PTK2: variants seen among roughly 807,000 people sequenced by gnomAD.
PTK2 encodes the protein protein tyrosine kinase 2.
A neutral mutation model predicts 150.1 loss-of-function variants in PTK2; 45 were observed. The ratio of observed to expected loss-of-function variants is 0.30; its 90% CI spans 0.24 to 0.38. The LOEUF (loss-of-function observed/expected upper bound fraction) is 0.38, where lower values mean the gene tolerates loss of function less well. Among genes scored for constraint, PTK2 ranks in the 10% least tolerant of loss-of-function variants. The pLI is 1.00. For missense variants in PTK2, 919 were observed against 1,307.3 expected, an observed-to-expected ratio of 0.70 and a Z score of 4.58; for synonymous variants, 432 against 449.2, an observed-to-expected ratio of 0.96 and a Z score of 0.48.
intron 23 of PTK2, among the ~76,000 whole-genome samples, chr8:140,710,144 T>A (rs989953389): frequency 3.3e-5 from 5 of 150,220 alleles, no homozygotes; most frequent in African/African-American, 1.2e-4. Context: ...GTGAAAAAAA[T>A]ATGAGAAGAT....
intron 18 of PTK2, among the ~76,000 whole-genome samples, chr8:140,746,106 C>T (rs1454710531): frequency 2.0e-5 from 3 of 152,034 alleles, no homozygotes; most frequent in African/African-American, 2.4e-5. Flanking sequence ...CCGAGGCAGG[C>T]GGATCACTTG....
chr8:140,688,433 G>T (rs968018812), intron 26 of PTK2, among the ~76,000 whole-genome samples: 2 of 150,032 alleles, frequency 1.3e-5, no homozygotes, highest in African/African-American at 4.9e-5. Flanking sequence ...CAAATGTAGC[G>T]TTGGGTGTGG....
At chr8:140,963,530 A>G (rs1353028831) in intron 1 of PTK2, among the ~76,000 whole-genome samples, 1 of 152,204 alleles carries the variant, frequency 6.6e-6, no homozygotes, top group South Asian at 2.1e-4. Flanking sequence ...TGCAAAAACA[A>G]AAACAAAACA....
intron 2 of PTK2, among the ~76,000 whole-genome samples, chr8:140,900,992 T>G (rs1601665837): frequency 1.3e-5 from 2 of 152,264 alleles, no homozygotes; most frequent in East Asian, 3.9e-4. Flanking sequence ...GACATTACAC[T>G]ACCTGACTTC....
At chr8:140,664,787 TC>T in intron 31 of PTK2, 129 bp downstream of exon 35, 1 of 888,674 alleles carries the variant, frequency 1.1e-6, no homozygotes, top group Non-Finnish European at 1.8e-6. Flanking sequence ...GGGAAGGTCA[TC>T]GCTTGTAGGG....
chr8:140,666,167 G>A (rs577715682), intron 30 of PTK2, among the ~76,000 whole-genome samples: 5 of 152,202 alleles, frequency 3.3e-5, no homozygotes, highest in South Asian at 2.1e-4. Context: ...GTGAAACCCC[G>A]TCTCTACTAA....
At chr8:140,780,598 C>T (rs1228361868) in intron 14 of PTK2, among the ~76,000 whole-genome samples, 1 of 152,188 alleles carries the variant, frequency 6.6e-6, no homozygotes, top group Non-Finnish European at 1.5e-5. Flanking sequence ...TAACAATCAA[C>T]CAACAAGGTC....
At chr8:140,673,025 G>A (rs1315476539) in intron 29 of PTK2, among the ~76,000 whole-genome samples, 1 of 152,170 alleles carries the variant, frequency 6.6e-6, no homozygotes, top group African/African-American at 2.4e-5. Flanking sequence ...ATAAATGGTG[G>A]TTATTGGTAA....
In PTK2 at chr8:140,947,586, T is replaced by C. The variant is rs555944210; in HGVS notation, c.-121-21837A>G. Among the ~76,000 whole-genome samples, 3 of 152,268 alleles carry C rather than the reference T, an allele frequency of 2.0e-5. No individual in the cohort carries two copies. In the South Asian group the frequency reaches 6.2e-4, roughly 32 times the overall value. ...TTCAAGGTGGTAGAGTAATGAGTTT[T>C]ATTCCTGTGAAGACTTCAATGAAAC... On this transcript the variant is annotated intron_variant, in intron 1 of 31. Transcript: ENST00000522684.
At chr8:140,916,686 A>G (rs981779681) in intron 2 of PTK2, among the ~76,000 whole-genome samples, 1 of 152,236 alleles carries the variant, frequency 6.6e-6, no homozygotes, top group Non-Finnish European at 1.5e-5. Context: ...AGTAGAAGAC[A>G]TGGTACATAT....
chr8:140,759,674 T>G (rs149853567), intron 16 of PTK2, among the ~76,000 whole-genome samples: 17 of 149,550 alleles, frequency 1.1e-4, no homozygotes, highest in Middle Eastern at 3.7e-3. Flanking sequence ...TTGGAAAATG[T>G]AGAGAGACGC....
rs1024749570 is a variant in PTK2, at chr8:140,939,440, T to C, written c.-121-13691A>G. On this transcript the variant is annotated intron_variant, in intron 1 of 31. Coordinates refer to ENST00000522684, the Ensembl canonical transcript of PTK2. ...ACAATGATCAAGTCTCATCTGCCCC[T>C]AGTCCATCAAAAGATGATAGATTTA... Among the ~76,000 whole-genome samples the C allele has an allele frequency of 2.0e-5, 3 of 152,198 alleles. No homozygotes were observed. The East Asian group carries it at 5.8e-4, about 29-fold the overall frequency.
At chr8:140,680,632 G>T (rs564526688) in intron 27 of PTK2, among the ~76,000 whole-genome samples, 1 of 152,116 alleles carries the variant, frequency 6.6e-6, no homozygotes, top group Non-Finnish European at 1.5e-5. Flanking sequence ...TATTAGCAAC[G>T]TTCTAAATAG....
At chr8:140,962,782 A>G (rs2100183811) in intron 1 of PTK2, among the ~76,000 whole-genome samples, 2 of 151,586 alleles carry the variant, frequency 1.3e-5, no homozygotes, top group South Asian at 4.2e-4. Flanking sequence ...CTCCCTCAAA[A>G]AAAAAAACCA....
At chr8:140,775,501 A>G (rs1230633174) in intron 14 of PTK2, among the ~76,000 whole-genome samples, 3 of 152,012 alleles carry the variant, frequency 2.0e-5, no homozygotes, top group Non-Finnish European at 4.4e-5. Flanking sequence ...AAACAAAAAC[A>G]AAAAGTGGGG....
At chr8:140,674,131 G>A (rs1242513096) in intron 29 of PTK2, 167 bp downstream of exon 32, 2 of 771,636 alleles carry the variant, frequency 2.6e-6, no homozygotes, top group Admixed American at 1.7e-5. Flanking sequence ...GACTCTCAGA[G>A]GGGTTCAGAA....
intron 1 of PTK2, among the ~76,000 whole-genome samples, chr8:140,969,021 A>C (rs1196098232): frequency 3.3e-5 from 5 of 152,190 alleles, no homozygotes; most frequent in African/African-American, 9.7e-5. Flanking sequence ...TAGATAAGGA[A>C]AAATAAGCAC....
chr8:140,914,434 T>A (rs1410941873), intron 2 of PTK2, among the ~76,000 whole-genome samples: 2 of 151,690 alleles, frequency 1.3e-5, no homozygotes, highest in Admixed American at 1.3e-4. Flanking sequence ...TTTTTTTTAA[T>A]CTTTTATTTT....
intron 2 of PTK2, among the ~76,000 whole-genome samples, chr8:140,911,402 T>C (rs1378625936): frequency 6.6e-6 from 1 of 152,194 alleles, no homozygotes; most frequent in East Asian, 1.9e-4. Flanking sequence ...GTCTTTTCAC[T>C]GTTTTTTTAA....
Sources: allele counts gnomAD v4.1 joint callset (sites outside exome capture counted in the v4.1 genomes callset), GRCh38; gene constraint gnomAD v4.1.1; transcripts MANE v1.5; gene names NCBI Gene and HGNC (gene_info 2026-07-23, HGNC 2026-07-21).